Variants in GPHN observed in about 807,000 individuals in gnomAD.
GPHN encodes the protein gephyrin.
In GPHN, 17 loss-of-function variants were observed where a neutral mutation model predicts 95.5. That is an observed-to-expected ratio of 0.18 (90% CI 0.12 to 0.27). GPHN has a LOEUF of 0.27. Ranked by LOEUF, GPHN falls within the 10% of genes least tolerant of loss-of-function variation. GPHN has a pLI of 1.00. For missense variants in GPHN, 660 were observed against 978.1 expected (o/e 0.67, Z 4.34); for synonymous variants, 320 against 322.5 (o/e 0.99, Z 0.08).
In GPHN at chr14:66,880,036, A is replaced by G; in HGVS notation, c.389+3A>G. 6.4e-7 allele frequency: 1 copy of G among 1,565,720 alleles called. No homozygotes were observed. On this transcript the variant is annotated splice_donor_region_variant and intron_variant, in intron 5 of 22. Transcript: ENST00000478722. ...ACACCTCTGGGCATGCTCTCTAGGTAAGAAAGTCACCAACATGTTGCAAAC... is the reference window on the plus strand; with the variant it reads ...ACACCTCTGGGCATGCTCTCTAGGTGAGAAAGTCACCAACATGTTGCAAAC...
chr14:67,036,996 A>C (rs1422609477), intron 10 of GPHN, among the ~76,000 whole-genome samples: 1 of 152,046 alleles, frequency 6.6e-6, no homozygotes, highest in Non-Finnish European at 1.5e-5. Flanking sequence ...AAAAAGAAGA[A>C]CAAAGCTGGA....
At chr14:67,205,149 T>C in the GPHN span, 8 of 1,444,780 alleles carry the variant, frequency 5.5e-6, no homozygotes, top group Middle Eastern at 5.8e-4. Flanking sequence ...GTTACCGAGA[T>C]CACACTTCTT....
At chr14:66,897,795 C>T (rs997158621) in intron 5 of GPHN, among the ~76,000 whole-genome samples, 3 of 152,062 alleles carry the variant, frequency 2.0e-5, no homozygotes, top group African/African-American at 4.8e-5. Flanking sequence ...CCAAACGATG[C>T]GGTATCTAGG....
chr14:66,857,075 T>C (rs1017315222), intron 4 of GPHN, among the ~76,000 whole-genome samples: 3 of 152,164 alleles, frequency 2.0e-5, no homozygotes, highest in Admixed American at 6.5e-5. Flanking sequence ...CCATTATTTG[T>C]TCTAGAAAGT....
the GPHN span, among the ~76,000 whole-genome samples, chr14:67,577,769 T>C: frequency 5.0e-4 from 76 of 151,954 alleles, no homozygotes; most frequent in African/African-American, 1.7e-3. Flanking sequence ...GTTTTTGTTT[T>C]TGTTTTTTTT....
the GPHN span, among the ~76,000 whole-genome samples, chr14:67,474,265 C>CAAA: frequency 0.21 from 30,478 of 144,332 alleles, 3,203 homozygotes; most frequent in Middle Eastern, 0.29. Context: ...AAAAACAAAA[C>CAAA]AAAAAAAAAA....
chr14:67,266,887 A>T, the GPHN span, among the ~76,000 whole-genome samples: 2 of 152,036 alleles, frequency 1.3e-5, no homozygotes, highest in Non-Finnish European at 2.9e-5. Flanking sequence ...AGGTGGACAG[A>T]TCACTTGAGC....
the GPHN span, among the ~76,000 whole-genome samples, chr14:67,634,361 G>C: frequency 6.6e-6 from 1 of 151,622 alleles, no homozygotes; most frequent in Non-Finnish European, 1.5e-5. Flanking sequence ...GGGAGGCCAA[G>C]GTGGATGGAT....
intron 12 of GPHN, among the ~76,000 whole-genome samples, chr14:67,094,533 T>C (rs1336095566): frequency 6.6e-6 from 1 of 152,200 alleles, no homozygotes; most frequent in Non-Finnish European, 1.5e-5. Flanking sequence ...TCATCTTTTC[T>C]AATGACGTAC....
the GPHN span, among the ~76,000 whole-genome samples, chr14:67,439,575 T>TTC: frequency 8.2e-6 from 1 of 122,392 alleles, no homozygotes; most frequent in Non-Finnish European, 1.5e-5. Flanking sequence ...CTTTCTTTCT[T>TTC]TCTTTCTTTC....
At chr14:66,732,739 A>G (rs561422215) in intron 2 of GPHN, among the ~76,000 whole-genome samples, 1 of 150,814 alleles carries the variant, frequency 6.6e-6, no homozygotes, top group South Asian at 2.1e-4. Context: ...CTGCTCTTGA[A>G]CTCCTGACCT....
At chr14:67,108,179 C>A (rs915379690) in intron 13 of GPHN, among the ~76,000 whole-genome samples, 2 of 152,152 alleles carry the variant, frequency 1.3e-5, no homozygotes, top group African/African-American at 4.8e-5. Context: ...ACAATGGTAC[C>A]TGAACCTGGG....
the GPHN span, chr14:67,648,329 T>G: frequency 8.2e-6 from 7 of 851,162 alleles, no homozygotes; most frequent in Non-Finnish European, 1.2e-5. Context: ...TATATGGCCA[T>G]GCTAATAAAA....
the GPHN span, among the ~76,000 whole-genome samples, chr14:67,594,339 A>C: frequency 3.3e-5 from 5 of 151,992 alleles, no homozygotes; most frequent in Non-Finnish European, 5.9e-5. Flanking sequence ...CCAGCATAAG[A>C]CACTGTCTCT....
intron 2 of GPHN, among the ~76,000 whole-genome samples, chr14:66,687,328 C>T (rs2067440614): frequency 6.6e-6 from 1 of 151,992 alleles, no homozygotes; most frequent in Non-Finnish European, 1.5e-5. Flanking sequence ...TTTGGCTATT[C>T]AGGGTCTTTT....
chr14:67,576,070 C>CT, the GPHN span: 1 of 1,308,200 alleles, frequency 7.6e-7, no homozygotes, highest in Non-Finnish European at 1.1e-6. This position sits in a 1 kb window ranked among gnomAD's most constrained non-coding sequence, Gnocchi z 4.0. Context: ...TCCCTTCTCT[C>CT]TTTCTCCTGA....
At chr14:66,694,142 T>A (rs958131908) in intron 2 of GPHN, among the ~76,000 whole-genome samples, 1 of 152,088 alleles carries the variant, frequency 6.6e-6, no homozygotes. Flanking sequence ...GATGAGGCCT[T>A]TGGGAGGTGA....
chr14:67,680,755 A>C, the GPHN span, among the ~76,000 whole-genome samples: 1 of 152,230 alleles, frequency 6.6e-6, no homozygotes, highest in Non-Finnish European at 1.5e-5. Flanking sequence ...CGCCGCGCCC[A>C]GCCAAGTAAG....
chr14:67,583,167 G>T, the GPHN span, among the ~76,000 whole-genome samples: 1 of 152,162 alleles, frequency 6.6e-6, no homozygotes, highest in African/African-American at 2.4e-5. Context: ...TGGAAAGGAA[G>T]AGGAAACAGT....
Sources: gnomAD v4.1 joint callset for allele counts (sites outside exome capture counted in the v4.1 genomes callset) on GRCh38, gnomAD v4.1.1 for gene constraint, Gnocchi (gnomAD v3.1) non-coding constraint, MANE v1.5 for transcripts, NCBI Gene and HGNC (gene_info 2026-07-23, HGNC 2026-07-21) for gene names.